Variants in KAZN observed in about 807,000 individuals in gnomAD.
KAZN encodes the protein kazrin.
KAZN carries 40 observed loss-of-function variants against 87.4 expected under a neutral mutation model. The observed-to-expected ratio is 0.46, with a 90% CI of 0.36 to 0.60. The LOEUF is 0.60. KAZN is among the 20% of genes least tolerant of loss of function. The pLI, the probability that KAZN is intolerant of heterozygous loss-of-function variation, is 0.00. For missense variants in KAZN, 898 were observed against 1,073.9 expected, an observed-to-expected ratio of 0.84 and a Z score of 2.29; for synonymous variants, 466 against 458.3, an observed-to-expected ratio of 1.02 and a Z score of -0.22.
chr1:14,994,420 T>C (rs1211116495), intron 2 of KAZN, among the ~76,000 whole-genome samples: 1 of 152,200 alleles, frequency 6.6e-6, no homozygotes, highest in Non-Finnish European at 1.5e-5. Flanking sequence ...GCCAGTGCCA[T>C]TGTGTTTCTG....
At chr1:14,141,029 C>T (rs1645223906) in intron 1 of KAZN, among the ~76,000 whole-genome samples, 1 of 151,956 alleles carries the variant, frequency 6.6e-6, no homozygotes, top group Admixed American at 6.6e-5. Context: ...TCCCTGTGGC[C>T]CTGGAGGAAC....
chr1:13,898,671 A>G (rs1639135521), intron 1 of KAZN, among the ~76,000 whole-genome samples: 1 of 152,156 alleles, frequency 6.6e-6, no homozygotes, highest in Non-Finnish European at 1.5e-5. Flanking sequence ...TGCCACCTGC[A>G]AGGCTCCTTG....
chr1:14,819,027 C>A (rs1466887920), intron 1 of KAZN, among the ~76,000 whole-genome samples: 1 of 152,164 alleles, frequency 6.6e-6, no homozygotes, highest in African/African-American at 2.4e-5. Context: ...TGCACTCCAG[C>A]CTGGGCAACA....
At chr1:14,556,699 C>T (rs927628479) in intron 2 of KAZN, among the ~76,000 whole-genome samples, 1 of 152,162 alleles carries the variant, frequency 6.6e-6, no homozygotes, top group Non-Finnish European at 1.5e-5. Flanking sequence ...ATATCTGCCT[C>T]TTATCATTAC....
chr1:14,772,905 C>T (rs78831426), intron 1 of KAZN, among the ~76,000 whole-genome samples: 4 of 152,048 alleles, frequency 2.6e-5, no homozygotes, highest in Non-Finnish European at 5.9e-5. Flanking sequence ...CCACATTGGC[C>T]TTCTGTGTGC....
chr1:14,772,845 A>G (rs987024860), intron 1 of KAZN, among the ~76,000 whole-genome samples: 2 of 152,084 alleles, frequency 1.3e-5, no homozygotes, highest in Admixed American at 6.6e-5. Flanking sequence ...TTTCTCTACC[A>G]AGAAAGAGAA....
intron 1 of KAZN, among the ~76,000 whole-genome samples, chr1:14,717,887 C>T (rs1343656673): frequency 6.6e-6 from 1 of 152,194 alleles, no homozygotes; most frequent in Non-Finnish European, 1.5e-5. Flanking sequence ...CCTGCTGCAC[C>T]CGAAATCCAA....
chr1:14,861,154 G>A (rs1408624154), intron 1 of KAZN, among the ~76,000 whole-genome samples: 5 of 152,224 alleles, frequency 3.3e-5, no homozygotes, highest in Admixed American at 2.0e-4. Context: ...AAGGTGGGCA[G>A]ATCACCTGAG....
chr1:14,193,370 C>T (rs1048803881), intron 2 of KAZN, among the ~76,000 whole-genome samples: 3 of 152,164 alleles, frequency 2.0e-5, no homozygotes, highest in African/African-American at 7.2e-5. Flanking sequence ...GAAGACACGT[C>T]TTGGAGAGCA....
intron 2 of KAZN, among the ~76,000 whole-genome samples, chr1:14,300,620 G>A (rs927932375): frequency 1.5e-4 from 23 of 152,158 alleles, no homozygotes; most frequent in African/African-American, 3.1e-4. Context: ...AATCAAAAGC[G>A]TGCAAAAATG....
rs533559925 is a variant in KAZN, at chr1:14,436,872, GGTCT to G, written c.250-162105_250-162102del. On this transcript the variant is annotated intron_variant, in intron 2 of 16. Coordinates refer to the KAZN transcript ENST00000636203. ...AGTGGAGCAAAGAGGATTTCACTCA[GGTCT>G]GTCTGATTCCAAAGCCTTCTTCTCA... Among the ~76,000 whole-genome samples the G allele has an allele frequency of 4.5e-3, 683 of 152,274 alleles. 2 individuals carry two copies. Among genetic ancestry groups the G allele is most frequent in the Non-Finnish European group, 6.2e-3 (420 of 68,020 alleles).
intron 1 of KAZN, among the ~76,000 whole-genome samples, chr1:14,815,395 G>T (rs544813150): frequency 3.9e-5 from 6 of 152,102 alleles, no homozygotes; most frequent in Admixed American, 1.3e-4. Flanking sequence ...TAAGCACTTG[G>T]CCCAGCTTCC....
chr1:14,202,011 G>A (rs1394415365), intron 2 of KAZN, among the ~76,000 whole-genome samples: 1 of 152,124 alleles, frequency 6.6e-6, no homozygotes, highest in Non-Finnish European at 1.5e-5. Context: ...TCACAAACAT[G>A]GAGTGCTTCT....
chr1:14,986,001 T>TGAAAA (rs1666776749), intron 2 of KAZN, among the ~76,000 whole-genome samples: 1 of 44,412 alleles, frequency 2.3e-5, no homozygotes, highest in Admixed American at 3.2e-4. Flanking sequence ...AGACTCTGTC[T>TGAAAA]CAAAAAAAAA....
intron 2 of KAZN, among the ~76,000 whole-genome samples, chr1:14,586,090 T>G (rs1441338684): frequency 1.3e-5 from 2 of 152,184 alleles, no homozygotes; most frequent in Admixed American, 1.3e-4. Context: ...TTGTTGTAAA[T>G]TGTTGGGATA....
chr1:14,122,974 C>T (rs948331578), intron 1 of KAZN, among the ~76,000 whole-genome samples: 1 of 152,054 alleles, frequency 6.6e-6, no homozygotes, highest in Non-Finnish European at 1.5e-5. Flanking sequence ...ATAAGCAAGG[C>T]GACATTTGAT....
At chr1:15,047,620 A>AAT (rs1383892377) in intron 4 of KAZN, among the ~76,000 whole-genome samples, 1 of 152,090 alleles carries the variant, frequency 6.6e-6, no homozygotes, top group African/African-American at 2.4e-5. Flanking sequence ...AAAATACAAA[A>AAT]ATCAGCTAGA....
chr1:14,725,032 T>C (rs994313367), intron 1 of KAZN, among the ~76,000 whole-genome samples: 1 of 152,202 alleles, frequency 6.6e-6, no homozygotes, highest in Admixed American at 6.5e-5. Context: ...GAAAAATCGG[T>C]GTAAACAGGA....
At chr1:14,574,623 T>C (rs187136533) in intron 2 of KAZN, among the ~76,000 whole-genome samples, 11 of 152,324 alleles carry the variant, frequency 7.2e-5, no homozygotes, top group African/African-American at 2.6e-4. Flanking sequence ...AAACCTCTTT[T>C]TCTTTATAAA....
Sources: gnomAD v4.1 joint callset for allele counts (sites outside exome capture counted in the v4.1 genomes callset) on GRCh38, gnomAD v4.1.1 for gene constraint, MANE v1.5 for transcripts, NCBI Gene and HGNC (gene_info 2026-07-23, HGNC 2026-07-21) for gene names.